Variants in EIF3E observed in about 807,000 individuals in gnomAD.
EIF3E encodes the protein eIF-3 p48.
EIF3E carries 25 observed loss-of-function variants against 59.3 expected under a neutral mutation model. The ratio of observed to expected loss-of-function variants is 0.42; its 90% CI spans 0.31 to 0.59. The LOEUF is 0.59. EIF3E is among the 20% of genes least tolerant of loss of function. The pLI is 0.15. For missense variants in EIF3E, 317 were observed against 534.3 expected, an observed-to-expected ratio of 0.59 and a Z score of 4.01; for synonymous variants, 176 against 170.2, an observed-to-expected ratio of 1.03 and a Z score of -0.26.
intron 10 of EIF3E, among the ~76,000 whole-genome samples, chr8:108,212,054 T>C (rs2129856403): frequency 6.6e-6 from 1 of 152,316 alleles, no homozygotes; most frequent in Admixed American, 6.5e-5. Flanking sequence ...GTACAGGCTC[T>C]ATCAAGACCT....
chr8:108,233,891 C>G lies in EIF3E; in HGVS notation c.471+1107G>C, dbSNP rs367707504. Among the ~76,000 whole-genome samples, 7 of 146,208 alleles carry G rather than the reference C, an allele frequency of 4.8e-5. No individual in the cohort carries two copies. In the East Asian group the frequency reaches 1.5e-3, roughly 30 times the overall value. On this transcript the variant is annotated intron_variant, in intron 5 of 12. Coordinates refer to ENST00000220849, the MANE Select transcript of EIF3E (RefSeq NM_001568.3). Reference sequence around the variant, plus strand: ...ATCTTAGACTTTAAGTACCTACTTACTAGTCCAAGGTAACAAATTATAATT... The same window carrying G: ...ATCTTAGACTTTAAGTACCTACTTAGTAGTCCAAGGTAACAAATTATAATT...
At chr8:108,216,327 T>TTC in intron 9 of EIF3E, 85 bp downstream of exon 9, 1 of 1,001,264 alleles carries the variant, frequency 1.0e-6, no homozygotes, top group Non-Finnish European at 1.5e-6. Context: ...ACTTCATTAC[T>TTC]TTAAGGAAGA....
chr8:108,242,491 T>C, intron 1 of EIF3E: 3 of 1,206,188 alleles, frequency 2.5e-6, no homozygotes, highest in Non-Finnish European at 3.2e-6. Flanking sequence ...CTGAGTAATA[T>C]GTAAAGATTC....
rs889846395 is a variant in EIF3E at position 108,211,637 on chromosome 8, T to A, written c.1061+2970A>T. ...AAGCTTATCTTCTTAATTCATTATA[T>A]AATAAAGGTATTAAATTACTGATTT... On this transcript the variant is annotated intron_variant, in intron 10 of 12. Transcript: ENST00000220849. Among the ~76,000 whole-genome samples, 34 of 152,216 alleles carry A rather than the reference T, an allele frequency of 2.2e-4. 1 individual carries two copies. Among genetic ancestry groups the A allele is most frequent in the African/African-American group, 6.0e-4 (25 of 41,468 alleles).
chr8:108,210,887 G>T (rs1815195991), intron 10 of EIF3E, among the ~76,000 whole-genome samples: 1 of 151,978 alleles, frequency 6.6e-6, no homozygotes, highest in Non-Finnish European at 1.5e-5. Context: ...CAGAATGATG[G>T]TTTCTAGCTT....
chr8:108,245,121 G>GC lies in EIF3E; in HGVS notation c.91-3209dup, dbSNP rs980159016. On this transcript the variant is annotated intron_variant, in intron 1 of 12. Coordinates refer to ENST00000220849, the MANE Select transcript of EIF3E (RefSeq NM_001568.3). ...TACCTTACTCCTCAAAACCCTCACTGCCCCCCCCTCCCATCCCATACCAAT... is the reference window on the plus strand; with the variant it reads ...TACCTTACTCCTCAAAACCCTCACTGCCCCCCCCCTCCCATCCCATACCAAT... Among the ~76,000 whole-genome samples the GC allele has an allele frequency of 3.4e-3, 505 of 149,360 alleles. 4 individuals carry two copies. Among genetic ancestry groups the GC allele is most frequent in the African/African-American group, 0.01 (409 of 40,040 alleles).
intron 10 of EIF3E, among the ~76,000 whole-genome samples, chr8:108,213,561 C>T (rs1035756376): frequency 6.6e-6 from 1 of 152,186 alleles, no homozygotes; most frequent in African/African-American, 2.4e-5. Flanking sequence ...AAAATACTAA[C>T]ATCCCTCTTT....
intron 1 of EIF3E, 130 bp from the exon 2 acceptor site, chr8:108,242,043 C>T (rs1272466376): frequency 8.2e-7 from 1 of 1,222,066 alleles, no homozygotes; most frequent in East Asian, 2.6e-5. Flanking sequence ...CATTAACATT[C>T]CCCTCTTGTA....
At chr8:108,232,523 A>T (rs1274859578) in intron 5 of EIF3E, among the ~76,000 whole-genome samples, 4 of 152,152 alleles carry the variant, frequency 2.6e-5, no homozygotes, top group African/African-American at 4.8e-5. Flanking sequence ...GTCATATTTT[A>T]AAAAAATAAA....
At chr8:108,209,819 A>C (rs1490985521) in intron 10 of EIF3E, among the ~76,000 whole-genome samples, 1 of 152,202 alleles carries the variant, frequency 6.6e-6, no homozygotes, top group East Asian at 1.9e-4. Flanking sequence ...AATTAAGGAC[A>C]GGGTGGCAGG....
chr8:108,222,849 T>TA lies in EIF3E; in HGVS notation c.723-5390dup, dbSNP rs768578317. The stretch of plus-strand genomic sequence containing the variant: ...CTTAGTTTTTTTTTTTTTTTTTTTT[T>TA]AAATAACAGACTCAGTATTTGTGCT... On this transcript the variant is annotated intron_variant, in intron 7 of 12. Coordinates refer to ENST00000220849, the MANE Select transcript of EIF3E (RefSeq NM_001568.3). Among the ~76,000 whole-genome samples, 1,116 of 144,270 alleles carry TA rather than the reference T, an allele frequency of 7.7e-3. 38 individuals carry two copies. Among genetic ancestry groups the TA allele is most frequent in the African/African-American group, 0.011 (442 of 38,854 alleles). The allele number at this position is 144,270 out of a possible 152,430, so 94.6% of individuals were successfully genotyped here.
At position 108,201,537 on chromosome 8, in the gene EIF3E, C is replaced by G. The variant is rs1467157009; in HGVS notation, c.*348G>C. The G allele has an allele frequency of 6.3e-6, 1 of 159,788 alleles. No homozygotes were observed. The highest frequency in any genetic ancestry group is 1.4e-5 in the Non-Finnish European group (1 of 73,294). 9.9% of individuals were successfully genotyped at this position (159,788 alleles called of 1,614,324 possible). On this transcript the variant is annotated 3_prime_UTR_variant, in exon 13 of 13. Transcript: ENST00000220849. ...CTACACGTGATAAAATGGTAGGGAGCTATTTGTACACACATTGTACCAATG... is the reference window on the plus strand; with the variant it reads ...CTACACGTGATAAAATGGTAGGGAGGTATTTGTACACACATTGTACCAATG...
intron 10 of EIF3E, among the ~76,000 whole-genome samples, chr8:108,209,441 A>T (rs1815165406): frequency 6.6e-6 from 1 of 152,148 alleles, no homozygotes; most frequent in Admixed American, 6.5e-5. Flanking sequence ...TATTTTTAAT[A>T]ATGTGTAACT....
At chr8:108,221,833 G>A (rs1220083337) in intron 7 of EIF3E, among the ~76,000 whole-genome samples, 1 of 148,280 alleles carries the variant, frequency 6.7e-6, no homozygotes, top group African/African-American at 2.5e-5. Context: ...CAAAGTGGCT[G>A]TTTTCCAATA....
At chr8:108,236,083 T>C (rs1316798893) in intron 4 of EIF3E, 78 bp downstream of exon 4, 2 of 1,127,054 alleles carry the variant, frequency 1.8e-6, no homozygotes, top group Non-Finnish European at 2.5e-6. Flanking sequence ...GGCCAAGCCA[T>C]AAGCTCATCT....
Position 108,223,917 on chromosome 8 carries a change from T to C in EIF3E, c.722+4350A>G, listed in dbSNP as rs997784178. 2.6e-5 allele frequency among the ~76,000 whole-genome samples: 4 copies of C among 151,404 alleles called. 1 individual carries two copies. The highest frequency in any genetic ancestry group is 9.8e-5 in the African/African-American group (4 of 40,716). On this transcript the variant is annotated intron_variant, in intron 7 of 12. Coordinates refer to ENST00000220849, the MANE Select transcript of EIF3E (RefSeq NM_001568.3). ...ATACATGATCTCTAACGTACTTTTATATTAAAAATAAAAAGTATGGCCAGG... is the reference window on the plus strand; with the variant it reads ...ATACATGATCTCTAACGTACTTTTACATTAAAAATAAAAAGTATGGCCAGG...
At chr8:108,245,125 C>A (rs1303504068) in intron 1 of EIF3E, among the ~76,000 whole-genome samples, 2 of 151,142 alleles carry the variant, frequency 1.3e-5, no homozygotes, top group Non-Finnish European at 1.5e-5. Context: ...CTCACTGCCC[C>A]CCCCTCCCAT....
At chr8:108,211,484 T>C (rs1434516883) in intron 10 of EIF3E, among the ~76,000 whole-genome samples, 1 of 152,206 alleles carries the variant, frequency 6.6e-6, no homozygotes, top group Admixed American at 6.5e-5. Context: ...TTGTAGATTC[T>C]GGATATTAGC....
intron 10 of EIF3E, among the ~76,000 whole-genome samples, chr8:108,207,900 T>A (rs1312348493): frequency 6.6e-6 from 1 of 152,074 alleles, no homozygotes; most frequent in African/African-American, 2.4e-5. Flanking sequence ...AAGTAAAAAA[T>A]AACAGAGATC....
Sources: allele counts gnomAD v4.1 joint callset (sites outside exome capture counted in the v4.1 genomes callset), GRCh38; gene constraint gnomAD v4.1.1; transcripts MANE v1.5; gene names NCBI Gene and HGNC (gene_info 2026-07-23, HGNC 2026-07-21).